The following CNOT2 variants were observed in gnomAD, a reference collection of about 807,000 sequenced individuals.
CNOT2 encodes CC chemokine receptor 4-negative regulator of transcription 2.
A neutral mutation model predicts 72.1 loss-of-function variants in CNOT2; 7 were observed. That is an observed-to-expected ratio of 0.10 (90% CI 0.06 to 0.18). The LOEUF (loss-of-function observed/expected upper bound fraction) is 0.18. Among genes scored for constraint, CNOT2 ranks in the 10% least tolerant of loss-of-function variants. CNOT2 has a pLI of 1.00. For synonymous variants in CNOT2, 196 were observed against 225.6 expected (o/e 0.87, Z 1.17); for missense variants, 345 against 660.3 (o/e 0.52, Z 5.23).
At chr12:70,303,857 G>GACA (rs1874630416) in intron 2 of CNOT2, among the ~76,000 whole-genome samples, 1 of 151,062 alleles carries the variant, frequency 6.6e-6, no homozygotes, top group Admixed American at 6.6e-5. Flanking sequence ...GGTACACCAA[G>GACA]TAGATTTGGT....
Position 70,250,388 on chromosome 12 carries a change from C to G in CNOT2, c.-96+6908C>G, listed in dbSNP as rs536600421. 5.3e-5 allele frequency among the ~76,000 whole-genome samples: 8 copies of G among 152,124 alleles called. No homozygotes were observed. The East Asian group carries it at 1.5e-3, about 29-fold the overall frequency. On this transcript the variant is annotated intron_variant, in intron 1 of 15. Coordinates refer to ENST00000229195, the MANE Select transcript of CNOT2 (RefSeq NM_014515.7). ...TATTAAATTTAAAGTTGAGGCTCTG[C>G]TGGTTATATGTTAGCACTCTAGATG...
At chr12:70,285,477 A>G (rs1870721677) in intron 2 of CNOT2, 1 of 152,158 alleles carries the variant, frequency 6.6e-6, no homozygotes, top group South Asian at 2.1e-4. Flanking sequence ...TGGCCTCCCA[A>G]AGTGCTTGGA....
rs757271042 is a variant in CNOT2, at chr12:70,343,809, A to G, written c.1291-319A>G. ...GTCCTAGATCTCTGAGCACAATGCT[A>G]TTGTTAGGTTCTTTTCCCCATTGGG... On this transcript the variant is annotated intron_variant, in intron 13 of 15. Coordinates refer to ENST00000229195, the MANE Select transcript of CNOT2 (RefSeq NM_014515.7). The G allele has an allele frequency of 3.3e-5, 7 of 209,316 alleles. No homozygotes were observed. The Admixed American group carries it at 3.9e-4, about 12-fold the overall frequency. 13.0% of individuals were successfully genotyped at this position (209,316 alleles called of 1,614,324 possible). A position where few individuals can be genotyped will look rare whatever the true frequency, so the allele number is the denominator to read the frequency against.
intron 2 of CNOT2, chr12:70,294,072 G>A (rs758582470): frequency 7.9e-7 from 1 of 1,258,558 alleles, no homozygotes; most frequent in South Asian, 1.2e-5. Context: ...TTTTCAAAGA[G>A]CGGAAGAATC....
At chr12:70,303,470 T>G (rs944750766) in intron 2 of CNOT2, among the ~76,000 whole-genome samples, 1 of 152,198 alleles carries the variant, frequency 6.6e-6, no homozygotes, top group Non-Finnish European at 1.5e-5. Flanking sequence ...TCTCCTTCAC[T>G]TACGAAGCTT....
At chr12:70,347,373 C>CTGT (rs1157851690) in intron 15 of CNOT2, among the ~76,000 whole-genome samples, 1 of 152,032 alleles carries the variant, frequency 6.6e-6, no homozygotes, top group African/African-American at 2.4e-5. Context: ...TGGCTCACAC[C>CTGT]TGTAATCCCA....
chr12:70,250,188 A>G (rs1242177149), intron 1 of CNOT2, among the ~76,000 whole-genome samples: 1 of 152,188 alleles, frequency 6.6e-6, no homozygotes. Flanking sequence ...TGAAGCACAA[A>G]TAAGTGAAAC....
chr12:70,272,982 A>G (rs1868293059), intron 1 of CNOT2, among the ~76,000 whole-genome samples: 1 of 152,178 alleles, frequency 6.6e-6, no homozygotes, highest in Middle Eastern at 3.4e-3. Context: ...ATCTAAGGCC[A>G]TTCTCTTATT....
chr12:70,309,705 T>C (rs1198037013), intron 2 of CNOT2, among the ~76,000 whole-genome samples: 1 of 152,148 alleles, frequency 6.6e-6, no homozygotes, highest in African/African-American at 2.4e-5. Context: ...AGTCACCTTG[T>C]ATTCAAGTCT....
At chr12:70,300,221 T>G (rs1183777323) in intron 2 of CNOT2, among the ~76,000 whole-genome samples, 1 of 152,200 alleles carries the variant, frequency 6.6e-6, no homozygotes, top group Non-Finnish European at 1.5e-5. Context: ...CTCTTTAGTT[T>G]AATTAGATCC....
At chr12:70,261,708 G>A (rs1593056929) in intron 1 of CNOT2, among the ~76,000 whole-genome samples, 1 of 152,114 alleles carries the variant, frequency 6.6e-6, no homozygotes, top group Admixed American at 6.5e-5. Flanking sequence ...TAATGGTCTT[G>A]TAAAATGAAT....
Position 70,253,548 on chromosome 12 carries a change from T to G in CNOT2, c.-96+10068T>G, listed in dbSNP as rs544946044. ...AGATAATATATTATTTTGGAAAGAC[T>G]TCACACTTTGATTCAGATGATGGGT... is the stretch of plus-strand genomic sequence containing the variant. On this transcript the variant is annotated intron_variant, in intron 1 of 15. Transcript: ENST00000229195. 7.9e-5 allele frequency among the ~76,000 whole-genome samples: 12 copies of G among 152,322 alleles called. No homozygotes were observed. The South Asian group carries it at 2.5e-3, about 32-fold the overall frequency.
chr12:70,344,401 C>G (rs1166282238), intron 14 of CNOT2, 173 bp downstream of exon 14: 2 of 547,820 alleles, frequency 3.7e-6, no homozygotes, highest in Middle Eastern at 4.8e-4. Context: ...TTAACCATGG[C>G]TTCATAATCT....
At chr12:70,310,689 C>A (rs1183343920) in intron 2 of CNOT2, among the ~76,000 whole-genome samples, 1 of 151,912 alleles carries the variant, frequency 6.6e-6, no homozygotes, top group African/African-American at 2.4e-5. Flanking sequence ...TGTGATTCTC[C>A]TACTTTTAGG....
intron 2 of CNOT2, among the ~76,000 whole-genome samples, chr12:70,279,115 TC>T: frequency 6.6e-6 from 1 of 152,172 alleles, no homozygotes; most frequent in African/African-American, 2.4e-5. Context: ...CTCCCACACT[TC>T]CTTTCACTCA....
At chr12:70,290,226 C>CTT (rs143095403) in intron 2 of CNOT2, among the ~76,000 whole-genome samples, 1 of 145,778 alleles carries the variant, frequency 6.9e-6, no homozygotes, top group African/African-American at 2.5e-5. Flanking sequence ...TTCAGGTGGC[C>CTT]TTTTTTTTTT....
At chr12:70,313,487 A>G (rs1194343476) in intron 3 of CNOT2, among the ~76,000 whole-genome samples, 1 of 152,006 alleles carries the variant, frequency 6.6e-6, no homozygotes, top group Non-Finnish European at 1.5e-5. Context: ...TGTTCTTCAC[A>G]TATAATTTAT....
chr12:70,282,084 G>A (rs920147740), intron 2 of CNOT2, among the ~76,000 whole-genome samples: 4 of 152,178 alleles, frequency 2.6e-5, no homozygotes, highest in Admixed American at 2.0e-4. Flanking sequence ...TGCTTGGTAT[G>A]TAGATAGGTG....
chr12:70,257,776 C>T (rs1014491295), intron 1 of CNOT2, among the ~76,000 whole-genome samples: 1 of 152,074 alleles, frequency 6.6e-6, no homozygotes. Flanking sequence ...TGAGTAGGGA[C>T]AAGTTCAGTC....
Sources: gnomAD v4.1 joint callset for allele counts (sites outside exome capture counted in the v4.1 genomes callset) on GRCh38, gnomAD v4.1.1 for gene constraint, MANE v1.5 for transcripts, NCBI Gene and HGNC (gene_info 2026-07-23, HGNC 2026-07-21) for gene names.